ZNF469: variants seen among roughly 807,000 people sequenced by gnomAD.
The protein encoded by ZNF469 is zinc finger protein 469.
Under a neutral mutation model 1.0 loss-of-function variants are expected in ZNF469, and 1 was observed. The observed-to-expected ratio is 1.00, with a 90% CI of 0.35 to 4.73. The LOEUF is 4.73. Ranked by LOEUF, ZNF469 falls within the 30% of genes most tolerant of loss-of-function variation. The pLI is 0.16. For missense variants in ZNF469, 6,100 were observed against 5,356.3 expected (o/e 1.14, Z -4.33); for synonymous variants, 2,703 against 2,363.4 (o/e 1.14, Z -4.17).
In ZNF469 at chr16:88,436,093, C is replaced by T; in HGVS notation, c.8623C>T (p.Pro2875Ser). The T allele has an allele frequency of 1.9e-6, 3 of 1,549,800 alleles. No homozygotes were observed. The highest frequency in any genetic ancestry group is 2.6e-6 in the Non-Finnish European group (3 of 1,146,970). Residue 2875 changes from proline to serine, a missense_variant, in exon 3 of 3, where the codon CCG (proline) becomes TCG (serine). Coordinates refer to ENST00000565624, the MANE Select transcript of ZNF469 (RefSeq NM_001367624.2). ...PGGRLTRKRN[P>S]HVYGKRCEKP... ...CGGTCGCTTGACTAGAAAGAGGAAC[C>T]CGCATGTCTACGGGAAGCGCTGTGA...
chr16:88,345,744 G>A, the ZNF469 span, among the ~76,000 whole-genome samples: 12 of 152,148 alleles, frequency 7.9e-5, no homozygotes, highest in Admixed American at 2.6e-4. Context: ...CTCTCCTCAC[G>A]TGGATGGAAC....
chr16:88,424,717 G>A lies in ZNF469; in HGVS notation c.-191-90G>A, dbSNP rs1164228808. Among the ~76,000 whole-genome samples the A allele has an allele frequency of 6.6e-6, 1 of 152,098 alleles. No homozygotes were observed. The highest frequency in any genetic ancestry group is 1.5e-5 in the Non-Finnish European group (1 of 68,004). ...AGGCCACAGCCGGCTCTGCCCAGGAGCCGCTCCCTCCCACCTGGCTTCTCC... is the reference window on the plus strand; with the variant it reads ...AGGCCACAGCCGGCTCTGCCCAGGAACCGCTCCCTCCCACCTGGCTTCTCC... On this transcript the variant is annotated intron_variant, in intron 1 of 2. Coordinates refer to ENST00000565624, the MANE Select transcript of ZNF469 (RefSeq NM_001367624.2). The surrounding 1 kb of genome is among the most constrained non-coding windows in gnomAD (Gnocchi z 4.3).
chr16:88,382,253 G>GC (rs145631248), upstream of ZNF469, among the ~76,000 whole-genome samples: 4,444 of 152,332 alleles, frequency 0.029, 202 homozygotes, highest in African/African-American at 0.1. Context: ...AGCCATCTCC[G>GC]CCGTGTGGCC....
At chr16:88,259,520 A>T in the ZNF469 span, among the ~76,000 whole-genome samples, 1 of 152,136 alleles carries the variant, frequency 6.6e-6, no homozygotes, top group African/African-American at 2.4e-5. This position sits in a 1 kb window ranked among gnomAD's most constrained non-coding sequence, Gnocchi z 4.1. Context: ...TTCGTCAGGA[A>T]ATACTCTGGG....
chr16:88,423,534 T>C (rs189427037), intron 1 of ZNF469, among the ~76,000 whole-genome samples: 84 of 152,294 alleles, frequency 5.5e-4, no homozygotes, highest in Non-Finnish European at 7.2e-4. Flanking sequence ...AAGAACAGAC[T>C]GAAACAACAA....
chr16:88,297,115 C>T, the ZNF469 span, among the ~76,000 whole-genome samples: 4 of 152,236 alleles, frequency 2.6e-5, no homozygotes, highest in Admixed American at 2.0e-4. Context: ...AGTGTCGCCA[C>T]GCAGGGGCTG....
chr16:88,239,667 GTATATATATATATATATATATATATA>G, the ZNF469 span, among the ~76,000 whole-genome samples: 357 of 28,180 alleles, frequency 0.013, 60 homozygotes, highest in African/African-American at 0.035. Context: ...TTTTTTTTTT[GTATATATATATATATATATATATATA>G]TATATATATA....
the ZNF469 span, among the ~76,000 whole-genome samples, chr16:88,144,232 C>G: frequency 3.3e-5 from 5 of 152,344 alleles, no homozygotes; most frequent in African/African-American, 1.2e-4. Flanking sequence ...GGGGGCGTCT[C>G]TCTGGTCCCG....
chr16:88,134,018 C>T, the ZNF469 span, among the ~76,000 whole-genome samples: 48 of 152,292 alleles, frequency 3.2e-4, no homozygotes, highest in East Asian at 8.5e-3. Flanking sequence ...TCAATAGAAC[C>T]CCCCCGGAGG....
the ZNF469 span, among the ~76,000 whole-genome samples, chr16:88,355,140 A>G: frequency 1.3e-5 from 2 of 152,144 alleles, no homozygotes; most frequent in African/African-American, 4.8e-5. Context: ...GCCCAGCTGC[A>G]GACACTCAGC....
chr16:88,143,541 C>G, the ZNF469 span, among the ~76,000 whole-genome samples: 7 of 152,292 alleles, frequency 4.6e-5, no homozygotes, highest in African/African-American at 1.7e-4. Context: ...TCTGCTCCCC[C>G]CATGCGTGGC....
chr16:88,362,667 C>T, the ZNF469 span, among the ~76,000 whole-genome samples: 3 of 152,226 alleles, frequency 2.0e-5, no homozygotes, highest in South Asian at 4.2e-4. Context: ...CTTTGGTTTT[C>T]AGAAGTTTGA....
the ZNF469 span, among the ~76,000 whole-genome samples, chr16:88,367,021 C>G: frequency 6.6e-6 from 1 of 152,188 alleles, no homozygotes. Context: ...TCACCACCAC[C>G]ACCAACATCA....
At chr16:88,412,680 A>G (rs1299246093) in intron 1 of ZNF469, among the ~76,000 whole-genome samples, 2 of 152,190 alleles carry the variant, frequency 1.3e-5, no homozygotes, top group South Asian at 2.1e-4. Flanking sequence ...CACTCGGTCA[A>G]TATACCCGAA....
At chr16:88,361,111 A>T in the ZNF469 span, among the ~76,000 whole-genome samples, 2 of 152,216 alleles carry the variant, frequency 1.3e-5, no homozygotes, top group Non-Finnish European at 2.9e-5. Flanking sequence ...GTGACAGATC[A>T]TCAGGCATTA....
chr16:88,398,550 A>AAGAGGGG (rs1904761471), intron 1 of ZNF469, among the ~76,000 whole-genome samples: 2 of 140,146 alleles, frequency 1.4e-5, no homozygotes, highest in African/African-American at 5.7e-5. Context: ...TGAGCCACAG[A>AAGAGGGG]TGAAGAGAAT....
At chr16:88,270,630 G>A in the ZNF469 span, among the ~76,000 whole-genome samples, 1 of 152,240 alleles carries the variant, frequency 6.6e-6, no homozygotes, top group Non-Finnish European at 1.5e-5. Context: ...TTCACAGACT[G>A]TGCCCAGATT....
chr16:88,405,335 T>C (rs1904998306), intron 1 of ZNF469, among the ~76,000 whole-genome samples: 1 of 152,090 alleles, frequency 6.6e-6, no homozygotes, highest in South Asian at 2.1e-4. Flanking sequence ...TTTAAAATAT[T>C]AGAAGTGCAC....
chr16:88,430,955 G>T lies in ZNF469; in HGVS notation c.3485G>T (p.Arg1162Leu), dbSNP rs886052402. Residue 1162 changes from arginine (R) to leucine (L), a missense_variant, in exon 3 of 3, where the codon CGC (arginine) becomes CTC (leucine). Arg to Leu is a moderately radical substitution (Grantham distance 102). Coordinates refer to ENST00000565624, the MANE Select transcript of ZNF469 (RefSeq NM_001367624.2). ...PANPEEPGGS[R>L]PGPGRSPQAR... ...AACCCCGAGGAGCCGGGCGGGTCTCGCCCGGGCCCCGGCAGGAGCCCTCAG... is the reference window on the plus strand; with the variant it reads ...AACCCCGAGGAGCCGGGCGGGTCTCTCCCGGGCCCCGGCAGGAGCCCTCAG... The T allele has an allele frequency of 6.5e-6, 10 of 1,535,510 alleles. No homozygotes were observed. Among genetic ancestry groups the T allele is most frequent in the Middle Eastern group, 1.9e-4 (1 of 5,236 alleles).
Sources: gnomAD v4.1 joint callset for allele counts (sites outside exome capture counted in the v4.1 genomes callset) on GRCh38, gnomAD v4.1.1 for gene constraint, Gnocchi (gnomAD v3.1) non-coding constraint, MANE v1.5 for transcripts, NCBI Gene and HGNC (gene_info 2026-07-23, HGNC 2026-07-21) for gene names.